ZNF600: variants seen among roughly 807,000 people sequenced by gnomAD.
The protein encoded by ZNF600 is zinc finger protein 600.
In ZNF600, 4 loss-of-function variants were observed where a neutral mutation model predicts 7.3. The ratio of observed to expected loss-of-function variants is 0.55; its 90% CI spans 0.27 to 1.25. The LOEUF (loss-of-function observed/expected upper bound fraction) is 1.25, where lower values mean the gene tolerates loss of function less well. Ranked by LOEUF, ZNF600 falls within the 50% of genes most tolerant of loss-of-function variation. The pLI is 0.12. For missense variants in ZNF600, 911 were observed against 922.1 expected (o/e 0.99, Z 0.16); for synonymous variants, 290 against 308.9 (o/e 0.94, Z 0.64).
chr19:52,791,210 C>T (rs1281052818), upstream of ZNF600, among the ~76,000 whole-genome samples: 1 of 152,202 alleles, frequency 6.6e-6, no homozygotes, highest in Non-Finnish European at 1.5e-5. Flanking sequence ...ACAATGCAGG[C>T]TGTGCAGCAG....
chr19:52,778,701 C>G lies in ZNF600; in HGVS notation c.63+125G>C. ...GCAGCTGAGAGGAACTAAGGGCAGG[C>G]ATGGCTGAGTGTGAGTGAACGTGTC... is the stretch of plus-strand genomic sequence containing the variant. On this transcript the variant is annotated intron_variant, in intron 2 of 3. Transcript: ENST00000648973. 2.3e-6 allele frequency: 3 copies of G among 1,311,572 alleles called. No individual in the cohort carries two copies. The South Asian group carries it at 4.4e-5, about 19-fold the overall frequency. 81.2% of individuals were successfully genotyped at this position (1,311,572 alleles called of 1,614,324 possible). A position where few individuals can be genotyped will look rare whatever the true frequency, so the allele number is the denominator to read the frequency against.
chr19:52,798,103 C>T, the ZNF600 span: 1 of 156,094 alleles, frequency 6.4e-6, no homozygotes, highest in Non-Finnish European at 1.4e-5. Flanking sequence ...ACCTGGATGA[C>T]AGAGCAAGAG....
the ZNF600 span, among the ~76,000 whole-genome samples, chr19:52,829,900 T>A: frequency 6.6e-6 from 1 of 152,074 alleles, no homozygotes; most frequent in African/African-American, 2.4e-5. Flanking sequence ...CTGACAACTC[T>A]TATTACACAA....
the ZNF600 span, among the ~76,000 whole-genome samples, chr19:52,808,999 T>C: frequency 2.0e-5 from 3 of 152,194 alleles, no homozygotes; most frequent in Admixed American, 2.0e-4. Flanking sequence ...TGTGTGTATA[T>C]ATGTATTTGT....
the ZNF600 span, chr19:52,810,320 T>C: frequency 3.8e-6 from 6 of 1,596,032 alleles, no homozygotes; most frequent in Non-Finnish European, 5.1e-6. Context: ...CCATCAATGC[T>C]GGCAATGTGG....
At chr19:52,800,011 A>G in the ZNF600 span, 2 of 1,614,126 alleles carry the variant, frequency 1.2e-6, no homozygotes. Context: ...GTCTTGCCAC[A>G]CTCATTACAC....
chr19:52,810,122 G>C, the ZNF600 span: 4 of 834,288 alleles, frequency 4.8e-6, no homozygotes, highest in South Asian at 5.5e-5. Context: ...GGGAGGAGCC[G>C]GGACTGGTCG....
At chr19:52,829,038 G>C in the ZNF600 span, among the ~76,000 whole-genome samples, 1 of 151,918 alleles carries the variant, frequency 6.6e-6, no homozygotes, top group Non-Finnish European at 1.5e-5. Context: ...TTTTGTTTCT[G>C]TATTTTTAGT....
exon 4 of ZNF600, chr19:52,766,092 T>G: frequency 1.2e-6 from 2 of 1,614,178 alleles, no homozygotes; most frequent in Non-Finnish European, 8.5e-7. Flanking sequence ...CTCATTACAC[T>G]TGTAAGGTTT....
At chr19:52,810,609 C>A in the ZNF600 span, 1 of 1,492,102 alleles carries the variant, frequency 6.7e-7, no homozygotes, top group Non-Finnish European at 9.3e-7. Context: ...CCAACTACAG[C>A]AGTTCCTGCT....
chr19:52,775,165 A>G (rs1306563273), intron 2 of ZNF600, among the ~76,000 whole-genome samples: 5 of 152,070 alleles, frequency 3.3e-5, no homozygotes, highest in South Asian at 2.1e-4. Context: ...ACTTGAACCC[A>G]GGAGATGGAG....
chr19:52,809,959 A>ACG, the ZNF600 span: 1 of 807,114 alleles, frequency 1.2e-6, no homozygotes, highest in East Asian at 2.7e-5. Flanking sequence ...GGCGCAGGGG[A>ACG]CGATGGGAAC....
chr19:52,777,304 G>C (rs1371152607), intron 2 of ZNF600, among the ~76,000 whole-genome samples: 1 of 152,208 alleles, frequency 6.6e-6, no homozygotes, highest in African/African-American at 2.4e-5. Context: ...CTTGAAGCCA[G>C]AAGGCAGAGG....
At chr19:52,807,811 C>A in the ZNF600 span, 28 of 960,110 alleles carry the variant, frequency 2.9e-5, no homozygotes, top group Non-Finnish European at 4.2e-5. Flanking sequence ...CTTCTGGAAG[C>A]TCCACTGAGC....
intron 2 of ZNF600, among the ~76,000 whole-genome samples, chr19:52,776,034 G>A (rs7343096): frequency 0.67 from 94,609 of 140,854 alleles, 32,773 homozygotes; most frequent in Non-Finnish European, 0.76. Context: ...ACCAAAAACT[G>A]TTATGATGAC....
the ZNF600 span, among the ~76,000 whole-genome samples, chr19:52,819,390 T>C: frequency 8.8e-6 from 1 of 113,340 alleles, no homozygotes; most frequent in Non-Finnish European, 1.8e-5. Context: ...CTTTCTTCCA[T>C]TCTATTGCTT....
At chr19:52,831,960 T>C in the ZNF600 span, among the ~76,000 whole-genome samples, 4 of 152,076 alleles carry the variant, frequency 2.6e-5, no homozygotes, top group Non-Finnish European at 5.9e-5. Flanking sequence ...ATTGTGATAG[T>C]TGACAACAAT....
upstream of ZNF600, among the ~76,000 whole-genome samples, chr19:52,788,981 T>C (rs1262889964): frequency 6.6e-6 from 1 of 152,140 alleles, no homozygotes; most frequent in Non-Finnish European, 1.5e-5. Context: ...TGCTCTCCGC[T>C]TGGGGACTTG....
chr19:52,803,092 T>G, the ZNF600 span, among the ~76,000 whole-genome samples: 1 of 151,816 alleles, frequency 6.6e-6, no homozygotes, highest in East Asian at 1.9e-4. Context: ...GTATTTTTAT[T>G]TTTTTGAGAT....
Sources: allele counts gnomAD v4.1 joint callset (sites outside exome capture counted in the v4.1 genomes callset), GRCh38; gene constraint gnomAD v4.1.1; transcripts MANE v1.5; gene names NCBI Gene and HGNC (gene_info 2026-07-23, HGNC 2026-07-21).